NALF1: variants seen among roughly 807,000 people sequenced by gnomAD.
The protein encoded by NALF1 is family with sequence similarity 155 member A.
In NALF1, 3 loss-of-function variants were observed where a neutral mutation model predicts 48.4. The observed-to-expected ratio is 0.06, with a 90% CI of 0.03 to 0.16. The LOEUF (loss-of-function observed/expected upper bound fraction) is 0.16. Ranked by LOEUF, NALF1 falls within the 10% of genes least tolerant of loss-of-function variation. The pLI is 1.00. For missense variants in NALF1, 526 were observed against 571.5 expected (o/e 0.92, Z 0.81); for synonymous variants, 262 against 245.7 (o/e 1.07, Z -0.62).
chr13:107,575,440 T>A (rs1878112337), intron 1 of NALF1, among the ~76,000 whole-genome samples: 1 of 152,138 alleles, frequency 6.6e-6, no homozygotes, highest in Non-Finnish European at 1.5e-5. Context: ...CATGAGCCCC[T>A]TTCTACAATT....
intron 1 of NALF1, among the ~76,000 whole-genome samples, chr13:107,742,199 T>C (rs1876658264): frequency 6.6e-6 from 1 of 152,202 alleles, no homozygotes; most frequent in Non-Finnish European, 1.5e-5. Flanking sequence ...TGTCCTTTGA[T>C]GGATCACTAC....
chr13:107,801,264 T>C (rs1411243507), intron 1 of NALF1, among the ~76,000 whole-genome samples: 1 of 152,212 alleles, frequency 6.6e-6, no homozygotes, highest in Non-Finnish European at 1.5e-5. Flanking sequence ...GAACACTGTC[T>C]CATAGCTAAT....
At chr13:107,859,028 G>A (rs1008241155) in intron 1 of NALF1, among the ~76,000 whole-genome samples, 2 of 152,096 alleles carry the variant, frequency 1.3e-5, no homozygotes, top group Non-Finnish European at 2.9e-5. Flanking sequence ...TTTTTTGATG[G>A]AGGTGAAGGT....
At chr13:107,612,446 T>C (rs1011904844) in intron 1 of NALF1, among the ~76,000 whole-genome samples, 3 of 152,104 alleles carry the variant, frequency 2.0e-5, no homozygotes, top group Admixed American at 6.5e-5. Context: ...GGGCCATGGA[T>C]TGCCCAGACT....
In NALF1 at chr13:107,434,643, G is replaced by A. The variant is rs188658654; in HGVS notation, c.916-223888C>T. On this transcript the variant is annotated intron_variant, in intron 1 of 2. Coordinates refer to ENST00000375915, the MANE Select transcript of NALF1 (RefSeq NM_001080396.3). Reference sequence around the variant, plus strand: ...CTATGCGAAGAGGCAGCATCACAGCGGAAGAAAACATGAAGTTGAAAATCA... The same window carrying A: ...CTATGCGAAGAGGCAGCATCACAGCAGAAGAAAACATGAAGTTGAAAATCA... 1.1e-3 allele frequency among the ~76,000 whole-genome samples: 169 copies of A among 152,258 alleles called. 1 individual carries two copies. The highest frequency in any genetic ancestry group is 3.4e-3 in the African/African-American group (140 of 41,564).
chr13:107,589,062 C>G (rs535157881), intron 1 of NALF1, among the ~76,000 whole-genome samples: 1 of 152,108 alleles, frequency 6.6e-6, no homozygotes, highest in South Asian at 2.1e-4. Context: ...TATTTCAGAC[C>G]AGAATTTTTG....
intron 1 of NALF1, among the ~76,000 whole-genome samples, chr13:107,282,932 G>C (rs1881417168): frequency 6.6e-6 from 1 of 152,220 alleles, no homozygotes; most frequent in Non-Finnish European, 1.5e-5. Flanking sequence ...AAAAGAGCTA[G>C]ATAATTCTTC....
At chr13:107,653,404 G>A (rs2138469720) in intron 1 of NALF1, among the ~76,000 whole-genome samples, 1 of 152,054 alleles carries the variant, frequency 6.6e-6, no homozygotes. Context: ...CTTTTACACT[G>A]AGGAATCATT....
intron 1 of NALF1, among the ~76,000 whole-genome samples, chr13:107,266,600 T>C (rs977794218): frequency 2.0e-5 from 3 of 152,156 alleles, no homozygotes; most frequent in Non-Finnish European, 4.4e-5. Flanking sequence ...AACACACACA[T>C]ACATGGATAC....
At chr13:107,440,763 G>T (rs1347390171) in intron 1 of NALF1, among the ~76,000 whole-genome samples, 1 of 152,114 alleles carries the variant, frequency 6.6e-6, no homozygotes, top group Non-Finnish European at 1.5e-5. Flanking sequence ...TTAAAATCTA[G>T]GTGTTTTCGT....
At chr13:107,195,568 T>G (rs1187333857) in intron 2 of NALF1, among the ~76,000 whole-genome samples, 1 of 152,210 alleles carries the variant, frequency 6.6e-6, no homozygotes, top group African/African-American at 2.4e-5. Flanking sequence ...TATACTTTCT[T>G]AATAGTTATG....
intron 1 of NALF1, among the ~76,000 whole-genome samples, chr13:107,633,225 T>C (rs2138450430): frequency 6.6e-6 from 1 of 152,218 alleles, no homozygotes; most frequent in African/African-American, 2.4e-5. Context: ...TTTAAAGCTC[T>C]TCATGTATAT....
In NALF1 at chr13:107,407,641, C is replaced by A. The variant is rs1883922253; in HGVS notation, c.916-196886G>T. Among the ~76,000 whole-genome samples, 4 of 151,960 alleles carry A rather than the reference C, an allele frequency of 2.6e-5. No homozygotes were observed. In the South Asian group the frequency reaches 6.2e-4, roughly 24 times the overall value. ...TGGCAAGGATGTGGAGAAAAGGGAA[C>A]CCTCATAAACTGTTGGTGTAAATGG... On this transcript the variant is annotated intron_variant, in intron 1 of 2. Coordinates refer to ENST00000375915, the MANE Select transcript of NALF1 (RefSeq NM_001080396.3).
intron 1 of NALF1, among the ~76,000 whole-genome samples, chr13:107,815,544 C>A (rs1395768536): frequency 6.6e-6 from 1 of 151,936 alleles, no homozygotes; most frequent in East Asian, 1.9e-4. Flanking sequence ...AGATGGGGAC[C>A]CTTGCACATT....
At chr13:107,443,178 ATCTATCTATCT>A (rs1884592897) in intron 1 of NALF1, among the ~76,000 whole-genome samples, 2 of 134,608 alleles carry the variant, frequency 1.5e-5, no homozygotes, top group Non-Finnish European at 1.5e-5. Flanking sequence ...CAATCTATCT[ATCTATCTATCT>A]ATCTATCTAT....
intron 1 of NALF1, among the ~76,000 whole-genome samples, chr13:107,831,787 G>A (rs1879740288): frequency 6.6e-6 from 1 of 152,172 alleles, no homozygotes; most frequent in African/African-American, 2.4e-5. Context: ...AACAATGTAT[G>A]CCACCTCTCA....
rs188332850 is a variant in NALF1, at chr13:107,276,632, T to C, written c.916-65877A>G. ...TATATGCCTGCTGTTTTGATGATTA[T>C]AAGAAAAACTTCAACATATTCCATC... is the stretch of plus-strand genomic sequence containing the variant. On this transcript the variant is annotated intron_variant, in intron 1 of 2. Coordinates refer to ENST00000375915, the MANE Select transcript of NALF1 (RefSeq NM_001080396.3). Among the ~76,000 whole-genome samples, 244 of 152,290 alleles carry C rather than the reference T, an allele frequency of 1.6e-3. 1 individual carries two copies. The highest frequency in any genetic ancestry group is 4.0e-3 in the Admixed American group (61 of 15,288).
intron 1 of NALF1, among the ~76,000 whole-genome samples, chr13:107,288,293 C>G (rs538798042): frequency 6.8e-6 from 1 of 147,450 alleles, no homozygotes; most frequent in East Asian, 2.0e-4. Flanking sequence ...GATCTCGGCT[C>G]ACTGCAAGCT....
intron 1 of NALF1, among the ~76,000 whole-genome samples, chr13:107,390,344 CA>C (rs1448998979): frequency 1.1e-4 from 15 of 134,660 alleles, no homozygotes; most frequent in Admixed American, 6.0e-4. Context: ...GACTCTGTCT[CA>C]AAAAAGAAAA....
Sources: gnomAD v4.1 joint callset for allele counts (sites outside exome capture counted in the v4.1 genomes callset) on GRCh38, gnomAD v4.1.1 for gene constraint, MANE v1.5 for transcripts, NCBI Gene and HGNC (gene_info 2026-07-23, HGNC 2026-07-21) for gene names.